CIMAP1D: variants seen among roughly 807,000 people sequenced by gnomAD.
CIMAP1D encodes the protein protein CIMAP1D.
At chr19:477,578 C>G in the CIMAP1D span, among the ~76,000 whole-genome samples, 1 of 150,946 alleles carries the variant, frequency 6.6e-6, no homozygotes, top group Non-Finnish European at 1.5e-5. Context: ...CAGAGCGAGA[C>G]TCCACGTCAA....
the CIMAP1D span, among the ~76,000 whole-genome samples, chr19:480,455 GAGGATGATGGGA>G: frequency 9.9e-6 from 1 of 100,702 alleles, no homozygotes; most frequent in South Asian, 3.4e-4. Context: ...GATGATAGGG[GAGGATGATGGGA>G]AGGATGATGG....
At chr19:476,046 T>G in the CIMAP1D span, among the ~76,000 whole-genome samples, 1 of 122,218 alleles carries the variant, frequency 8.2e-6, no homozygotes, top group African/African-American at 3.1e-5. Context: ...CCGCCCAGGC[T>G]GGAATGCAGT....
the CIMAP1D span, among the ~76,000 whole-genome samples, chr19:473,102 G>T: frequency 1.6e-5 from 2 of 125,482 alleles, no homozygotes; most frequent in Non-Finnish European, 3.3e-5. Context: ...AGAGATACAC[G>T]GTCACAGATC....
the CIMAP1D span, among the ~76,000 whole-genome samples, chr19:483,793 C>A: frequency 6.6e-6 from 1 of 152,222 alleles, no homozygotes; most frequent in South Asian, 2.1e-4. Context: ...GCTCTGGGAT[C>A]AACACTGTGT....
At chr19:485,746 G>A in the CIMAP1D span, among the ~76,000 whole-genome samples, 1 of 152,218 alleles carries the variant, frequency 6.6e-6, no homozygotes, top group African/African-American at 2.4e-5. Flanking sequence ...GCTCCCAGGA[G>A]GCCGGGTTCC....
the CIMAP1D span, chr19:463,855 G>C: frequency 2.5e-6 from 4 of 1,608,590 alleles, no homozygotes; most frequent in East Asian, 2.2e-5. Flanking sequence ...TAGCAGCAGC[G>C]GCCGGGCAGC....
chr19:468,619 T>G, the CIMAP1D span, among the ~76,000 whole-genome samples: 1 of 152,308 alleles, frequency 6.6e-6, no homozygotes, highest in East Asian at 1.9e-4. Flanking sequence ...GCCTTGCACT[T>G]CCCGATTGAG....
chr19:469,632 C>T, the CIMAP1D span, among the ~76,000 whole-genome samples: 2 of 151,754 alleles, frequency 1.3e-5, no homozygotes, highest in African/African-American at 2.4e-5. Flanking sequence ...CAGAGGTTGC[C>T]GTGAGCCGAG....
At chr19:480,126 G>T in the CIMAP1D span, among the ~76,000 whole-genome samples, 2 of 152,226 alleles carry the variant, frequency 1.3e-5, no homozygotes, top group Non-Finnish European at 2.9e-5. Context: ...CTCGGGAGGC[G>T]GGCGAGGCAT....
the CIMAP1D span, among the ~76,000 whole-genome samples, chr19:484,832 C>G: frequency 1.4e-4 from 21 of 152,090 alleles, no homozygotes; most frequent in Admixed American, 1.1e-3. Context: ...AGGGTTTTAC[C>G]CTGAGCAGGG....
the CIMAP1D span, among the ~76,000 whole-genome samples, chr19:484,142 T>G: frequency 5.4e-5 from 5 of 92,620 alleles, no homozygotes; most frequent in African/African-American, 1.6e-4. Context: ...TCTTTTTCTT[T>G]TTTTTTTTTT....
the CIMAP1D span, among the ~76,000 whole-genome samples, chr19:486,185 G>T: frequency 2.0e-5 from 3 of 152,324 alleles, no homozygotes; most frequent in East Asian, 5.8e-4. Flanking sequence ...TCAGAGGAAG[G>T]AAGGGCTTGT....
the CIMAP1D span, among the ~76,000 whole-genome samples, chr19:469,307 T>C: frequency 2.7e-5 from 4 of 149,772 alleles, no homozygotes; most frequent in South Asian, 8.5e-4. Context: ...AGCCTCGACC[T>C]CCTGGGCTCA....
At chr19:475,255 C>G in the CIMAP1D span, among the ~76,000 whole-genome samples, 1 of 152,222 alleles carries the variant, frequency 6.6e-6, no homozygotes, top group African/African-American at 2.4e-5. Flanking sequence ...GAAGCATTCA[C>G]TGCCTCATCC....
chr19:484,907 C>T, the CIMAP1D span, among the ~76,000 whole-genome samples: 3,680 of 152,100 alleles, frequency 0.024, 109 homozygotes, highest in African/African-American at 0.066. Context: ...TTGAAGGAAT[C>T]GACTGAGGGT....
the CIMAP1D span, among the ~76,000 whole-genome samples, chr19:465,877 TGGGTG>T: frequency 3.8e-5 from 1 of 26,510 alleles, no homozygotes; most frequent in African/African-American, 1.6e-4. Flanking sequence ...GGTGGATGGG[TGGGTG>T]GATGGGCGGG....
At chr19:489,281 G>A in the CIMAP1D span, 1 of 151,778 alleles carries the variant, frequency 6.6e-6, no homozygotes. Flanking sequence ...GCCCCGACCG[G>A]GACCCCCTAC....
At chr19:483,715 G>C in the CIMAP1D span, among the ~76,000 whole-genome samples, 3 of 152,218 alleles carry the variant, frequency 2.0e-5, no homozygotes, top group Non-Finnish European at 4.4e-5. Flanking sequence ...CCCTGCAGCA[G>C]AGAGCCATCA....
At chr19:485,250 G>A in the CIMAP1D span, among the ~76,000 whole-genome samples, 66 of 152,306 alleles carry the variant, frequency 4.3e-4, no homozygotes, top group Middle Eastern at 3.4e-3. Context: ...GGGTGCGCAC[G>A]ATGAGGCACA....
Sources: allele counts gnomAD v4.1 joint callset (sites outside exome capture counted in the v4.1 genomes callset), GRCh38; gene constraint gnomAD v4.1.1; transcripts MANE v1.5; gene names NCBI Gene and HGNC (gene_info 2026-07-23, HGNC 2026-07-21).